The following GPR39 variants were observed in gnomAD, a reference collection of about 807,000 sequenced individuals.
GPR39 encodes the protein G protein-coupled receptor 39.
In GPR39, 23 loss-of-function variants were observed where a neutral mutation model predicts 18.4. The observed-to-expected ratio is 1.25, with a 90% CI of 0.90 to 1.77. The LOEUF (loss-of-function observed/expected upper bound fraction) is 1.77. GPR39 is among the 40% of genes most tolerant of loss of function. GPR39 has a pLI of 0.00. For synonymous variants in GPR39, 280 were observed against 257.9 expected (o/e 1.09, Z -0.82); for missense variants, 647 against 602.4 (o/e 1.07, Z -0.78).
chr2:132,540,001 C>T (rs565744653), intron 1 of GPR39, among the ~76,000 whole-genome samples: 13 of 152,218 alleles, frequency 8.5e-5, no homozygotes, highest in Admixed American at 7.2e-4. Context: ...CTTCCATCTG[C>T]ACCCCACAGA....
chr2:132,585,539 C>T (rs1272565147), intron 1 of GPR39, among the ~76,000 whole-genome samples: 2 of 152,236 alleles, frequency 1.3e-5, no homozygotes, highest in African/African-American at 4.8e-5. Flanking sequence ...GCAGCTTTCT[C>T]TGCGCGCATC....
In GPR39 at chr2:132,457,355, CT is replaced by C. The variant is rs1196592011; in HGVS notation, c.856+39458del. Among the ~76,000 whole-genome samples, 4 of 152,354 alleles carry C rather than the reference CT, an allele frequency of 2.6e-5. No homozygotes were observed. The South Asian group carries it at 6.2e-4, about 24-fold the overall frequency. ...CAGTTCATTTAAGGTCTTCTCTACA[CT>C]GTTTATTCGAGTTAACCATCGTCTA... On this transcript the variant is annotated intron_variant, in intron 1 of 1. Transcript: ENST00000329321.
intron 1 of GPR39, among the ~76,000 whole-genome samples, chr2:132,444,285 T>C (rs935373184): frequency 2.0e-5 from 3 of 151,806 alleles, no homozygotes; most frequent in African/African-American, 7.3e-5. Flanking sequence ...TACTAGTCTA[T>C]GGCATTATGG....
chr2:132,624,218 G>C (rs1215198198), intron 1 of GPR39, among the ~76,000 whole-genome samples: 1 of 152,160 alleles, frequency 6.6e-6, no homozygotes, highest in Non-Finnish European at 1.5e-5. Context: ...GTGTCTTTCT[G>C]TGGTTGTCCC....
At chr2:132,511,413 A>G (rs1281201766) in intron 1 of GPR39, among the ~76,000 whole-genome samples, 1 of 152,228 alleles carries the variant, frequency 6.6e-6, no homozygotes, top group Non-Finnish European at 1.5e-5. Context: ...ACATTCTTCA[A>G]TACTACACTA....
At chr2:132,547,989 TCTC>T (rs1679979011) in intron 1 of GPR39, among the ~76,000 whole-genome samples, 1 of 152,110 alleles carries the variant, frequency 6.6e-6, no homozygotes, top group African/African-American at 2.4e-5. Flanking sequence ...CCAGCACACT[TCTC>T]CTTCAGGAAG....
intron 1 of GPR39, among the ~76,000 whole-genome samples, chr2:132,566,469 C>T (rs763987981): frequency 2.0e-5 from 3 of 152,094 alleles, no homozygotes; most frequent in Admixed American, 2.0e-4. Context: ...AGATCAGAAG[C>T]GGGGTGAGGC....
At chr2:132,429,143 A>G (rs1680179615) in intron 1 of GPR39, among the ~76,000 whole-genome samples, 1 of 152,212 alleles carries the variant, frequency 6.6e-6, no homozygotes, top group Non-Finnish European at 1.5e-5. Flanking sequence ...TATCATTAGC[A>G]TGAAGGTATC....
At chr2:132,601,612 C>T (rs1681043782) in intron 1 of GPR39, among the ~76,000 whole-genome samples, 2 of 151,904 alleles carry the variant, frequency 1.3e-5, no homozygotes, top group Non-Finnish European at 2.9e-5. Flanking sequence ...AGCATATACA[C>T]TGAAAAAAAG....
chr2:132,541,407 G>T (rs1679859683), intron 1 of GPR39, among the ~76,000 whole-genome samples: 1 of 152,094 alleles, frequency 6.6e-6, no homozygotes, highest in African/African-American at 2.4e-5. Flanking sequence ...TCTATAACAA[G>T]CCTGAGCCTG....
At chr2:132,644,051 AAG>A (rs1256537363) in intron 1 of GPR39, among the ~76,000 whole-genome samples, 3 of 152,158 alleles carry the variant, frequency 2.0e-5, no homozygotes, top group South Asian at 2.1e-4. Context: ...TCCTTACGAA[AAG>A]AGAGAGCAAA....
At chr2:132,519,440 G>C (rs1045719899) in intron 1 of GPR39, among the ~76,000 whole-genome samples, 1 of 152,108 alleles carries the variant, frequency 6.6e-6, no homozygotes, top group African/African-American at 2.4e-5. Context: ...CATCTCTTTG[G>C]CAATGTTCCT....
rs951535445 is a variant in GPR39, at chr2:132,645,316, G to A, written c.1072G>A (p.Val358Met). The change falls in exon 2 of 2, where the codon GTG (valine) becomes ATG (methionine). Residue 358 changes from valine to methionine, a missense_variant. Coordinates refer to ENST00000329321, the MANE Select transcript of GPR39 (RefSeq NM_001508.3). ...SQQFRRVFVQVLCCRLSLQHA... is the reference protein window; with the variant it reads ...SQQFRRVFVQMLCCRLSLQHA... ...GCAGTTTCGGCGGGTGTTCGTGCAG[G>A]TGCTGTGCTGCCGCCTGTCGCTGCA... 6.2e-7 allele frequency: 1 copy of A among 1,614,090 alleles called. No homozygotes were observed. Among genetic ancestry groups the A allele is most frequent in the African/African-American group, 1.3e-5 (1 of 74,944 alleles).
chr2:132,539,188 T>C (rs1679815690), intron 1 of GPR39, among the ~76,000 whole-genome samples: 1 of 152,102 alleles, frequency 6.6e-6, no homozygotes, highest in Non-Finnish European at 1.5e-5. Flanking sequence ...CCTGGTGGTG[T>C]AGATGCACAA....
In GPR39 at chr2:132,417,354, C is replaced by T. The variant is rs761104637; in HGVS notation, c.312C>T (p.Tyr104=). ...IIWNPLTTSS[Y]TLSCKLHTFL... ...GGAATCCCCTGACCACGTCCAGCTACACCCTGTCCTGCAAGCTGCACACTT... is the reference window on the plus strand; with the variant it reads ...GGAATCCCCTGACCACGTCCAGCTATACCCTGTCCTGCAAGCTGCACACTT... Residue 104 remains tyrosine (Y), a synonymous_variant, in exon 1 of 2, where the codon TAC becomes TAT. Transcript: ENST00000329321. 24 of 1,614,106 alleles carry T rather than the reference C, an allele frequency of 1.5e-5. No individual in the cohort carries two copies. The African/African-American group carries it at 1.6e-4, about 11-fold the overall frequency.
intron 1 of GPR39, among the ~76,000 whole-genome samples, chr2:132,527,101 C>T (rs191924886): frequency 3.3e-5 from 5 of 152,208 alleles, no homozygotes; most frequent in East Asian, 3.9e-4. Flanking sequence ...TCCTTCCCCT[C>T]GCTCCCCACC....
chr2:132,507,359 C>T (rs1056001665), intron 1 of GPR39, among the ~76,000 whole-genome samples: 6 of 152,044 alleles, frequency 3.9e-5, no homozygotes, highest in African/African-American at 1.4e-4. Flanking sequence ...TAGGTAAGCC[C>T]CTGTCCTGCT....
At chr2:132,441,968 T>C (rs1160295677) in intron 1 of GPR39, among the ~76,000 whole-genome samples, 1 of 152,194 alleles carries the variant, frequency 6.6e-6, no homozygotes, top group Non-Finnish European at 1.5e-5. Flanking sequence ...AGGGTGTTTC[T>C]CCTTGAAAAT....
intron 1 of GPR39, 137 bp from the exon 2 acceptor site, chr2:132,644,964 C>G: frequency 1.0e-6 from 1 of 985,660 alleles, no homozygotes; most frequent in Non-Finnish European, 1.5e-6. Context: ...AAGTCCAACA[C>G]TGAAAAATTG....
Sources: allele counts gnomAD v4.1 joint callset (sites outside exome capture counted in the v4.1 genomes callset), GRCh38; gene constraint gnomAD v4.1.1; transcripts MANE v1.5; gene names NCBI Gene and HGNC (gene_info 2026-07-23, HGNC 2026-07-21).